OR2T35: variants seen among roughly 807,000 people sequenced by gnomAD.
OR2T35 encodes the protein olfactory receptor 2T35.
For missense variants in OR2T35, 47 were observed against 278.8 expected, an observed-to-expected ratio of 0.17 and a Z score of 5.92; for synonymous variants, 18 against 110.2, an observed-to-expected ratio of 0.16 and a Z score of 5.24.
intron 1 of OR2T35, among the ~76,000 whole-genome samples, 182 bp from the exon 2 acceptor site, chr1:248,639,462 C>T (rs1938143): frequency 0.66 from 98,515 of 150,094 alleles, 28,578 homozygotes; most frequent in Non-Finnish European, 0.77. Context: ...AATCTCTCAA[C>T]TCAATTTCAT....
chr1:248,642,235 AGAAAAAGAAAAAG>A (rs1660796470), intron 1 of OR2T35, among the ~76,000 whole-genome samples: 4 of 56,576 alleles, frequency 7.1e-5, no homozygotes, highest in African/African-American at 1.2e-4. Context: ...AAAAAAAAAA[AGAAAAAGAAAAAG>A]AAAAAGCTTT....
rs1660771851 is a variant in OR2T35, at chr1:248,640,256, C to CAT, written c.-22-978_-22-977dup. Among the ~76,000 whole-genome samples the CAT allele has an allele frequency of 5.2e-5, 2 of 38,760 alleles. 1 individual carries two copies. Among genetic ancestry groups the CAT allele is most frequent in the Admixed American group, 1.1e-3 (2 of 1,876 alleles). 25.4% of individuals were successfully genotyped at this position (38,760 alleles called of 152,430 possible). ...TTTCTCTACCATTTTACTGATCCTT[C>CAT]ATGTTTATAAGTAAAAATAACTACA... On this transcript the variant is annotated intron_variant, in intron 1 of 1. Coordinates refer to ENST00000641268, the MANE Select transcript of OR2T35 (RefSeq NM_001001827.2).
chr1:248,639,496 T>A (rs1248938363), intron 1 of OR2T35, among the ~76,000 whole-genome samples: 5 of 151,434 alleles, frequency 3.3e-5, no homozygotes, highest in African/African-American at 1.2e-4. Flanking sequence ...TCATCATAGT[T>A]CTGTACTCTA....
At chr1:248,639,486 T>A (rs1490041279) in intron 1 of OR2T35, among the ~76,000 whole-genome samples, 1 of 151,174 alleles carries the variant, frequency 6.6e-6, no homozygotes, top group East Asian at 1.9e-4. Flanking sequence ...CTGTGAAAGG[T>A]CATCATAGTT....
intron 1 of OR2T35, among the ~76,000 whole-genome samples, chr1:248,644,886 TCC>T (rs1372504290): frequency 1.5e-5 from 2 of 136,014 alleles, no homozygotes; most frequent in Non-Finnish European, 3.2e-5. Context: ...TCAGATTTTA[TCC>T]CCTTCTCTCC....
rs1660716644 is a variant in OR2T35 at position 248,637,146 on chromosome 1, T to TAAACCAAGA, written c.*1140_*1141insTCTTGGTTT. 3.4e-4 allele frequency: 1 copy of TAAACCAAGA among 2,904 alleles called. No individual in the cohort carries two copies. The highest frequency in any genetic ancestry group is 3.9e-4 in the African/African-American group (1 of 2,546). 0.2% of individuals were successfully genotyped at this position (2,904 alleles called of 1,614,324 possible). ...TAGCTAATAAAATGTCTTGGTTTAT[T>TAAACCAAGA]CATTCTACATTTATCTATTAACAAT... On this transcript the variant is annotated 3_prime_UTR_variant, in exon 2 of 2. Transcript: ENST00000641268.
In OR2T35 at chr1:248,643,253, T is replaced by TG. The variant is rs1437995055; in HGVS notation, c.-23+1993_-23+1994insC. On this transcript the variant is annotated intron_variant, in intron 1 of 1. Coordinates refer to ENST00000641268, the MANE Select transcript of OR2T35 (RefSeq NM_001001827.2). ...TGGCATGTCACCAACATGTTACTAA[T>TG]CCTAAGTGCCACATAGCTCTAAGAG... Among the ~76,000 whole-genome samples, 420 of 49,600 alleles carry TG rather than the reference T, an allele frequency of 8.5e-3. 1 individual carries two copies. Among genetic ancestry groups the TG allele is most frequent in the African/African-American group, 0.033 (389 of 11,784 alleles). 32.5% of individuals were successfully genotyped at this position (49,600 alleles called of 152,430 possible).
At position 248,644,994 on chromosome 1, in the gene OR2T35, C is replaced by A. The variant is rs1392015503; in HGVS notation, c.-23+253G>T. 1.9e-3 allele frequency among the ~76,000 whole-genome samples: 37 copies of A among 19,448 alleles called. No homozygotes were observed. In the Middle Eastern group the frequency reaches 0.094, roughly 49 times the overall value. 12.8% of individuals were successfully genotyped at this position (19,448 alleles called of 152,430 possible). A position where few individuals can be genotyped will look rare whatever the true frequency, so the allele number is the denominator to read the frequency against. ...TGCCTTAGTTACCACCCCCCTTTAT[C>A]TGCCTATTTAAATGGTAACTGTTTT... On this transcript the variant is annotated intron_variant, in intron 1 of 1. Transcript: ENST00000641268.
chr1:248,644,186 G>A (rs1269172067), intron 1 of OR2T35, among the ~76,000 whole-genome samples: 2 of 119,792 alleles, frequency 1.7e-5, no homozygotes, highest in South Asian at 2.9e-4. Flanking sequence ...GCGGATTGCA[G>A]GTTAACTAAA....
In OR2T35 at chr1:248,638,601, G is replaced by C; in HGVS notation, c.658C>G (p.His220Asp). ...PLSVISVSYT[H>D]ILLTVHRMNS... ...ATCCTGTGGACAGTCAGGAGGATGTGCGTGTAGGACACAGAGATGACAGAT... is the reference window on the plus strand; with the variant it reads ...ATCCTGTGGACAGTCAGGAGGATGTCCGTGTAGGACACAGAGATGACAGAT... Residue 220 changes from histidine to aspartate, a missense_variant, in exon 2 of 2, where the codon CAC (histidine) becomes GAC (aspartate). By Grantham distance (81) the His-to-Asp change is moderately conservative. Coordinates refer to ENST00000641268, the MANE Select transcript of OR2T35 (RefSeq NM_001001827.2). The C allele has an allele frequency of 1.3e-6, 2 of 1,569,078 alleles. No individual in the cohort carries two copies. The highest frequency in any genetic ancestry group is 1.7e-6 in the Non-Finnish European group (2 of 1,156,548).
chr1:248,644,744 C>T (rs960571703), intron 1 of OR2T35, among the ~76,000 whole-genome samples: 3 of 140,218 alleles, frequency 2.1e-5, no homozygotes, highest in Non-Finnish European at 4.7e-5. Flanking sequence ...ATATTAATTG[C>T]TACTCATAAG....
intron 1 of OR2T35, among the ~76,000 whole-genome samples, chr1:248,642,234 AAG>A (rs1193406727): frequency 2.0e-4 from 12 of 61,136 alleles, no homozygotes; most frequent in South Asian, 1.3e-3. Flanking sequence ...AAAAAAAAAA[AAG>A]AAAAAGAAAA....
Position 248,642,230 on chromosome 1 carries a change from AAAAAAG to A in OR2T35, c.-22-2956_-22-2951del, listed in dbSNP as rs1426584761. On this transcript the variant is annotated intron_variant, in intron 1 of 1. Coordinates refer to ENST00000641268, the MANE Select transcript of OR2T35 (RefSeq NM_001001827.2). ...ACTAGTCTTTCCAAAAAAAAAAAAAAAAAAAGAAAAAGAAAAAGAAAAAGCTTTTAT... is the reference window on the plus strand; with the variant it reads ...ACTAGTCTTTCCAAAAAAAAAAAAAAAAAAAGAAAAAGAAAAAGCTTTTAT... 1.2e-3 allele frequency among the ~76,000 whole-genome samples: 65 copies of A among 52,694 alleles called. 2 individuals carry two copies. The highest frequency in any genetic ancestry group is 2.1e-3 in the Non-Finnish European group (33 of 15,644). The allele number at this position is 52,694 out of a possible 152,430, so 34.6% of individuals were successfully genotyped here.
chr1:248,645,113 T>TG (rs1660844471), intron 1 of OR2T35, 134 bp downstream of exon 1: 1 of 70,506 alleles, frequency 1.4e-5, no homozygotes, highest in South Asian at 8.1e-4. Context: ...AGAAGAGGTT[T>TG]GCTTGGCTTA....
At chr1:248,644,933 T>C (rs1424796550) in intron 1 of OR2T35, among the ~76,000 whole-genome samples, 1 of 117,718 alleles carries the variant, frequency 8.5e-6, no homozygotes, top group Non-Finnish European at 1.9e-5. Flanking sequence ...TGAATTTCTC[T>C]TTTCCCTTAC....
At chr1:248,641,713 A>AAAAAAAAG (rs199902940) in intron 1 of OR2T35, among the ~76,000 whole-genome samples, 4 of 73,574 alleles carry the variant, frequency 5.4e-5, no homozygotes, top group African/African-American at 1.3e-4. Context: ...AAAAAAAAAA[A>AAAAAAAAG]AGGTTCCTTG....
intron 1 of OR2T35, among the ~76,000 whole-genome samples, chr1:248,644,155 C>T (rs1348819911): frequency 2.5e-5 from 3 of 119,714 alleles, no homozygotes; most frequent in Non-Finnish European, 5.4e-5. Context: ...ATATTTTTTA[C>T]ACATGGTAGA....
intron 1 of OR2T35, among the ~76,000 whole-genome samples, chr1:248,639,644 C>T (rs1241959172): frequency 2.5e-5 from 2 of 79,236 alleles, no homozygotes; most frequent in African/African-American, 3.8e-5. Context: ...GGTTACTGTG[C>T]CTTATTTCCC....
chr1:248,641,646 GGAGA>G (rs1414236552), intron 1 of OR2T35, among the ~76,000 whole-genome samples: 1 of 78,272 alleles, frequency 1.3e-5, no homozygotes, highest in African/African-American at 3.0e-5. Context: ...AGCTGAAACA[GGAGA>G]AAGATATGAT....
Sources: gnomAD v4.1 joint callset for allele counts (sites outside exome capture counted in the v4.1 genomes callset) on GRCh38, gnomAD v4.1.1 for gene constraint, MANE v1.5 for transcripts, NCBI Gene and HGNC (gene_info 2026-07-23, HGNC 2026-07-21) for gene names.